RASSF3: variants seen among roughly 807,000 people sequenced by gnomAD.
RASSF3 encodes Ras association domain family member 3, also known as ras association domain-containing protein 3.
Under a neutral mutation model 19.9 loss-of-function variants are expected in RASSF3, and 19 were observed. The ratio of observed to expected loss-of-function variants is 0.96; its 90% CI spans 0.67 to 1.40. The LOEUF is 1.40. Among genes scored for constraint, RASSF3 ranks in the 40% most tolerant of loss-of-function variants. RASSF3 has a pLI of 0.00. For synonymous variants in RASSF3, 110 were observed against 104.2 expected, an observed-to-expected ratio of 1.06 and a Z score of -0.34; for missense variants, 306 against 289.8, an observed-to-expected ratio of 1.06 and a Z score of -0.41.
At chr12:64,680,696 C>T (rs945362128) in intron 1 of RASSF3, among the ~76,000 whole-genome samples, 23 of 151,958 alleles carry the variant, frequency 1.5e-4, no homozygotes. Context: ...TTACTGCGAT[C>T]TCCGCCTCCC....
intron 1 of RASSF3, among the ~76,000 whole-genome samples, chr12:64,638,875 T>C (rs890270539): frequency 6.6e-6 from 1 of 152,232 alleles, no homozygotes; most frequent in African/African-American, 2.4e-5. Context: ...CACGCCATAG[T>C]GTGCCCATTT....
chr12:64,673,349 C>T lies in RASSF3; in HGVS notation c.112-11438C>T, dbSNP rs115182221. ...ACTTCCCTCCTGGCTTCTTGGCAAT[C>T]GTCTTTATTAATGTTTTCAATTTTC... is the stretch of plus-strand genomic sequence containing the variant. On this transcript the variant is annotated intron_variant, in intron 1 of 4. Transcript: ENST00000542104. Among the ~76,000 whole-genome samples the T allele has an allele frequency of 9.7e-4, 147 of 152,230 alleles. 1 individual carries two copies. Among genetic ancestry groups the T allele is most frequent in the African/African-American group, 3.3e-3 (137 of 41,534 alleles).
rs550842318 is a variant in RASSF3, at chr12:64,562,689, C to G, written c.294+20984C>G. On this transcript the variant is annotated intron_variant, in intron 2 of 5. Coordinates refer to the RASSF3 transcript ENST00000637125. The stretch of plus-strand genomic sequence containing the variant: ...AGGCTGGAGTGCAATGGCTTGATCA[C>G]GGCTCACTGCAGCCTCGACCTCCTG... Among the ~76,000 whole-genome samples the G allele has an allele frequency of 3.1e-3, 475 of 152,116 alleles. 2 individuals are homozygous for G. Among genetic ancestry groups the G allele is most frequent in the African/African-American group, 0.011 (460 of 41,486 alleles).
chr12:64,670,644 C>T (rs1164873980), intron 1 of RASSF3, among the ~76,000 whole-genome samples: 3 of 150,030 alleles, frequency 2.0e-5, no homozygotes, highest in East Asian at 2.0e-4. Flanking sequence ...GAAGGTGTTT[C>T]GCCATTTCTG....
chr12:64,541,645 G>T (rs761240245), exon 2 of RASSF3: 2 of 398,448 alleles, frequency 5.0e-6, no homozygotes, highest in Non-Finnish European at 8.8e-6. Context: ...CACAAAATGG[G>T]AACGTATCAA....
At chr12:64,618,115 T>G (rs1393772426) in intron 1 of RASSF3, among the ~76,000 whole-genome samples, 1 of 152,198 alleles carries the variant, frequency 6.6e-6, no homozygotes, top group Non-Finnish European at 1.5e-5. Flanking sequence ...CTTTTTTCAT[T>G]TTTAAAGAGA....
In RASSF3 at chr12:64,549,721, G is replaced by A. The variant is rs559150525; in HGVS notation, c.294+8016G>A. ...CCTCTCTCTCCTGAGCCCCATAAGC[G>A]GAGGTAGGGATACAGTAGTTGGTGT... On this transcript the variant is annotated intron_variant, in intron 2 of 5. Coordinates refer to the RASSF3 transcript ENST00000637125. 5.9e-5 allele frequency among the ~76,000 whole-genome samples: 9 copies of A among 152,272 alleles called. No individual in the cohort carries two copies. The East Asian group carries it at 1.2e-3, about 20-fold the overall frequency.
intron 1 of RASSF3, among the ~76,000 whole-genome samples, chr12:64,653,867 C>T (rs1344146269): frequency 5.9e-5 from 9 of 151,972 alleles, no homozygotes; most frequent in Non-Finnish European, 1.5e-5. Context: ...TCTTTAACAG[C>T]TCTCCAGTAG....
At chr12:64,543,109 CCCCGCACTTGGAGTGGCGGG>C (rs1868966808), downstream of RASSF3, among the ~76,000 whole-genome samples, 16 of 1,966 alleles carry the variant, frequency 8.1e-3, 3 homozygotes, top group East Asian at 0.14. Flanking sequence ...GAGTGGCGGG[CCCCGCACTTGGAGTGGCGGG>C]CCCCGCACTT....
chr12:64,585,858 A>C (rs1472713804), intron 2 of RASSF3, among the ~76,000 whole-genome samples: 2 of 152,022 alleles, frequency 1.3e-5, no homozygotes, highest in Non-Finnish European at 2.9e-5. Flanking sequence ...CTCCTGCCTC[A>C]GCCTCCCAAA....
At chr12:64,620,551 C>T (rs1870718378) in intron 1 of RASSF3, among the ~76,000 whole-genome samples, 1 of 151,950 alleles carries the variant, frequency 6.6e-6, no homozygotes, top group South Asian at 2.1e-4. Context: ...TTATTTAAAC[C>T]CAGGATTATG....
At chr12:64,579,169 C>G (rs1341093850) in intron 2 of RASSF3, among the ~76,000 whole-genome samples, 1 of 151,876 alleles carries the variant, frequency 6.6e-6, no homozygotes, top group Admixed American at 6.6e-5. Context: ...ACCAGCTGAA[C>G]CTACTAATGA....
At chr12:64,599,923 T>C (rs1246424970) in intron 2 of RASSF3, among the ~76,000 whole-genome samples, 1 of 150,250 alleles carries the variant, frequency 6.7e-6, no homozygotes, top group Admixed American at 6.7e-5. Context: ...TCCCAGCTCC[T>C]CGGGAGGCTG....
chr12:64,603,072 C>A (rs1870123774), intron 2 of RASSF3, among the ~76,000 whole-genome samples: 2 of 151,550 alleles, frequency 1.3e-5, no homozygotes, highest in Admixed American at 6.6e-5. Context: ...GCACTTCAGT[C>A]TGGGTGACAG....
At chr12:64,523,980 G>A (rs1270707265) in intron 1 of RASSF3, among the ~76,000 whole-genome samples, 4 of 151,702 alleles carry the variant, frequency 2.6e-5, no homozygotes, top group Admixed American at 2.0e-4. Context: ...GAGGAATGGG[G>A]AAGCTGGTGG....
At chr12:64,544,857 A>T (rs1869025577), downstream of RASSF3, among the ~76,000 whole-genome samples, 1 of 152,204 alleles carries the variant, frequency 6.6e-6, no homozygotes, top group African/African-American at 2.4e-5. Context: ...TGAGTTTGCC[A>T]CTTGTTTTTC....
At chr12:64,533,338 G>A (rs1868755477) in intron 1 of RASSF3, 1 of 152,250 alleles carries the variant, frequency 6.6e-6, no homozygotes, top group African/African-American at 2.4e-5. Context: ...ATACCTGGTA[G>A]GTTACCCTTG....
In RASSF3 at chr12:64,610,737, C is replaced by T; in HGVS notation, c.105C>T (p.Gly35=). ...CGCCCCAGGGCAAGCCCCGCTCCGG[C>T]CAACAAGTGAGTGGCGCGCGGCGGG... ...RRAPQGKPRS[G]QQDVEKEKET... Residue 35 remains glycine, a synonymous_variant, in exon 1 of 5, where the codon GGC becomes GGT. Transcript: ENST00000542104. The T allele has an allele frequency of 6.3e-7, 1 of 1,584,750 alleles. No individual in the cohort carries two copies.
At chr12:64,637,423 C>CTT (rs781748041) in intron 1 of RASSF3, among the ~76,000 whole-genome samples, 2,622 of 132,468 alleles carry the variant, frequency 0.02, 40 homozygotes, top group African/African-American at 0.028. Context: ...TAGTTTCTTT[C>CTT]TTTTTTTTTT....
Sources: allele counts gnomAD v4.1 joint callset (sites outside exome capture counted in the v4.1 genomes callset), GRCh38; gene constraint gnomAD v4.1.1; transcripts MANE v1.5; gene names NCBI Gene and HGNC (gene_info 2026-07-23, HGNC 2026-07-21).